The following GPR39 variants were observed in gnomAD, a reference collection of about 807,000 sequenced individuals.
GPR39 encodes G protein-coupled receptor 39.
A neutral mutation model predicts 18.4 loss-of-function variants in GPR39; 23 were observed. That is an observed-to-expected ratio of 1.25 (90% CI 0.90 to 1.77). The LOEUF (loss-of-function observed/expected upper bound fraction) is 1.77, where lower values mean the gene tolerates loss of function less well. Ranked by LOEUF, GPR39 falls within the 40% of genes most tolerant of loss-of-function variation. GPR39 has a pLI of 0.00. For missense variants in GPR39, 647 were observed against 602.4 expected, an observed-to-expected ratio of 1.07 and a Z score of -0.78; for synonymous variants, 280 against 257.9, an observed-to-expected ratio of 1.09 and a Z score of -0.82.
chr2:132,542,892 A>C lies in GPR39; in HGVS notation c.857-102209A>C, dbSNP rs528286671. Among the ~76,000 whole-genome samples, 34 of 152,244 alleles carry C rather than the reference A, an allele frequency of 2.2e-4. No homozygotes were observed. In the South Asian group the frequency reaches 6.8e-3, roughly 31 times the overall value. On this transcript the variant is annotated intron_variant, in intron 1 of 1. Transcript: ENST00000329321. ...TGCTTCCCAACCTCCCTTGCCACTC[A>C]GTAAGGTAGGTGTCTGAGTTCCAGC...
intron 1 of GPR39, among the ~76,000 whole-genome samples, chr2:132,558,509 A>T (rs1032885941): frequency 6.6e-6 from 1 of 152,206 alleles, no homozygotes; most frequent in African/African-American, 2.4e-5. Context: ...CACAGAGATC[A>T]GATCCTTTCT....
chr2:132,594,322 C>T (rs897069609), intron 1 of GPR39, among the ~76,000 whole-genome samples: 3 of 152,060 alleles, frequency 2.0e-5, no homozygotes, highest in Admixed American at 6.6e-5. Flanking sequence ...CTAAAATGAT[C>T]TCTCAGTCTA....
chr2:132,551,923 T>C (rs1183096584), intron 1 of GPR39, among the ~76,000 whole-genome samples: 1 of 151,950 alleles, frequency 6.6e-6, no homozygotes, highest in African/African-American at 2.4e-5. Context: ...ACTGAGAAAA[T>C]AAGAAAAAAC....
intron 1 of GPR39, among the ~76,000 whole-genome samples, chr2:132,532,039 C>A (rs1457902489): frequency 6.6e-6 from 1 of 152,010 alleles, no homozygotes; most frequent in Non-Finnish European, 1.5e-5. Context: ...AAAAACCCTT[C>A]AAAAAATCAA....
chr2:132,641,191 A>G (rs1359617262), intron 1 of GPR39, among the ~76,000 whole-genome samples: 3 of 152,246 alleles, frequency 2.0e-5, no homozygotes, highest in Non-Finnish European at 4.4e-5. Flanking sequence ...TGCAAAATAC[A>G]TCCTTGTGTT....
intron 1 of GPR39, among the ~76,000 whole-genome samples, chr2:132,479,500 T>C (rs181429315): frequency 5.3e-5 from 8 of 152,292 alleles, no homozygotes; most frequent in Non-Finnish European, 8.8e-5. Context: ...CGAAATAAAA[T>C]AGCTGGTGTG....
chr2:132,455,896 C>G (rs1035231885), intron 1 of GPR39, among the ~76,000 whole-genome samples: 5 of 152,112 alleles, frequency 3.3e-5, no homozygotes, highest in Non-Finnish European at 5.9e-5. Flanking sequence ...GCTTTACTTA[C>G]AATTATGTTG....
intron 1 of GPR39, among the ~76,000 whole-genome samples, chr2:132,519,654 G>C (rs758079726): frequency 6.6e-6 from 1 of 152,062 alleles, no homozygotes; most frequent in African/African-American, 2.4e-5. Flanking sequence ...CAGGATAGGG[G>C]CATGGGGGAG....
chr2:132,508,233 C>A (rs1170915936), intron 1 of GPR39, among the ~76,000 whole-genome samples: 1 of 152,136 alleles, frequency 6.6e-6, no homozygotes, highest in Non-Finnish European at 1.5e-5. Flanking sequence ...GGCTCCCTCC[C>A]AGGAGCCAGG....
chr2:132,623,091 G>T (rs1324751115), intron 1 of GPR39, among the ~76,000 whole-genome samples: 1 of 152,260 alleles, frequency 6.6e-6, no homozygotes, highest in Non-Finnish European at 1.5e-5. Context: ...CAGCCTGGGT[G>T]ACAAAGCGAG....
chr2:132,588,559 C>T (rs1029560902), intron 1 of GPR39, among the ~76,000 whole-genome samples: 1 of 152,134 alleles, frequency 6.6e-6, no homozygotes, highest in African/African-American at 2.4e-5. Context: ...TGTGTGGGGC[C>T]TGGGCTGCTG....
chr2:132,499,124 G>T (rs941364824), intron 1 of GPR39, among the ~76,000 whole-genome samples: 13 of 152,026 alleles, frequency 8.6e-5, no homozygotes, highest in African/African-American at 2.9e-4. Context: ...GGTCATGAAG[G>T]CTTTGCCTAA....
chr2:132,532,318 C>A (rs1423558666), intron 1 of GPR39, among the ~76,000 whole-genome samples: 1 of 152,190 alleles, frequency 6.6e-6, no homozygotes. Context: ...TCTGGATAGA[C>A]CAACAACAGG....
At chr2:132,504,404 T>TGA (rs1320694841) in intron 1 of GPR39, among the ~76,000 whole-genome samples, 1 of 152,186 alleles carries the variant, frequency 6.6e-6, no homozygotes, top group Non-Finnish European at 1.5e-5. Context: ...TGCCAAAAGG[T>TGA]GGTCACTCAG....
chr2:132,579,036 T>C (rs1558846358), intron 1 of GPR39, among the ~76,000 whole-genome samples: 1 of 151,916 alleles, frequency 6.6e-6, no homozygotes, highest in Non-Finnish European at 1.5e-5. Flanking sequence ...TTTTAAGTTC[T>C]TGAGGGTGGA....
chr2:132,484,413 A>G (rs1183987483), intron 1 of GPR39, among the ~76,000 whole-genome samples: 28 of 152,236 alleles, frequency 1.8e-4, no homozygotes, highest in Admixed American at 1.8e-3. Flanking sequence ...TAAAGAACCT[A>G]ATAGGCCACA....
intron 1 of GPR39, among the ~76,000 whole-genome samples, chr2:132,526,056 G>A (rs1048774291): frequency 6.6e-6 from 1 of 152,126 alleles, no homozygotes; most frequent in Non-Finnish European, 1.5e-5. Flanking sequence ...CTGAAAATGG[G>A]ATATTTACTA....
intron 1 of GPR39, among the ~76,000 whole-genome samples, chr2:132,504,369 A>G (rs1394269401): frequency 6.6e-6 from 1 of 152,190 alleles, no homozygotes; most frequent in Non-Finnish European, 1.5e-5. Context: ...AGTTTCCATC[A>G]CCTGTGAAAG....
At chr2:132,492,614 CTATATATACAA>C (rs1558814450) in intron 1 of GPR39, among the ~76,000 whole-genome samples, 2 of 77,550 alleles carry the variant, frequency 2.6e-5, no homozygotes, top group East Asian at 5.4e-4. Context: ...TACACACCAT[CTATATATACAA>C]TATATATACA....
Sources: allele counts gnomAD v4.1 joint callset (sites outside exome capture counted in the v4.1 genomes callset), GRCh38; gene constraint gnomAD v4.1.1; transcripts MANE v1.5; gene names NCBI Gene and HGNC (gene_info 2026-07-23, HGNC 2026-07-21).